The following CNGB1 variants were observed in gnomAD, a reference collection of about 807,000 sequenced individuals.
The protein encoded by CNGB1 is cyclic nucleotide gated channel subunit beta 1.
A neutral mutation model predicts 151.7 loss-of-function variants in CNGB1; 126 were observed. That is an observed-to-expected ratio of 0.83 (90% CI 0.72 to 0.96). The LOEUF (loss-of-function observed/expected upper bound fraction) is 0.96, where lower values mean the gene tolerates loss of function less well. CNGB1 is among the 40% of genes least tolerant of loss of function. CNGB1 has a pLI of 0.00. For synonymous variants in CNGB1, 623 were observed against 635.1 expected, an observed-to-expected ratio of 0.98 and a Z score of 0.29; for missense variants, 1,698 against 1,627.0, an observed-to-expected ratio of 1.04 and a Z score of -0.75.
chr16:57,928,042 A>G (rs1961241339), intron 17 of CNGB1, among the ~76,000 whole-genome samples: 1 of 152,194 alleles, frequency 6.6e-6, no homozygotes, highest in Non-Finnish European at 1.5e-5. Flanking sequence ...CATGGATGAG[A>G]GCAAAAATTA....
chr16:57,912,800 T>TTG (rs751197537), intron 24 of CNGB1, 130 bp downstream of exon 24: 23 of 907,532 alleles, frequency 2.5e-5, no homozygotes, highest in South Asian at 2.8e-5. Flanking sequence ...TGTGTGTATG[T>TTG]TGTGTGTGTG....
intron 16 of CNGB1, among the ~76,000 whole-genome samples, chr16:57,939,101 G>A (rs1961590175): frequency 6.6e-6 from 1 of 152,184 alleles, no homozygotes; most frequent in East Asian, 1.9e-4. Flanking sequence ...TGGCTGGGAG[G>A]GGCTGGTTAG....
chr16:57,919,310 G>A, intron 19 of CNGB1, 56 bp from the exon 20 acceptor site: 1 of 1,613,056 alleles, frequency 6.2e-7, no homozygotes, highest in South Asian at 1.1e-5. Flanking sequence ...GGTAGAGGAT[G>A]CAGAGAGAAG....
chr16:57,966,317 C>T (rs1001964746), intron 2 of CNGB1, among the ~76,000 whole-genome samples: 1 of 152,190 alleles, frequency 6.6e-6, no homozygotes, highest in Non-Finnish European at 1.5e-5. Flanking sequence ...CGGGGCAATG[C>T]CTATTCATCT....
At chr16:57,889,479 A>G (rs1960027462) in intron 31 of CNGB1, among the ~76,000 whole-genome samples, 1 of 152,184 alleles carries the variant, frequency 6.6e-6, no homozygotes, top group African/African-American at 2.4e-5. Context: ...TCCTTCCCCC[A>G]TCCAGACTTG....
rs539060830 is a variant in CNGB1, at chr16:57,965,873, A to G, written c.159+1255T>C. 8.5e-5 allele frequency among the ~76,000 whole-genome samples: 13 copies of G among 152,352 alleles called. No individual in the cohort carries two copies. In the South Asian group the frequency reaches 2.5e-3, roughly 29 times the overall value. Reference sequence around the variant, plus strand: ...TACATGTTCACATACATTGTCATGTATACCCATTGTGCAAATACATGTGTG... The same window carrying G: ...TACATGTTCACATACATTGTCATGTGTACCCATTGTGCAAATACATGTGTG... On this transcript the variant is annotated intron_variant, in intron 2 of 32. Coordinates refer to ENST00000251102, the MANE Select transcript of CNGB1 (RefSeq NM_001297.5).
rs895862176 is a variant in CNGB1, at chr16:57,911,076, A to G, written c.2492+677T>C. ...ACCTCCATGGTAGCAGTGCCTGGGG[A>G]GCTGTGCTGGGGAGTATTCTCTGGC... is the stretch of plus-strand genomic sequence containing the variant. On this transcript the variant is annotated intron_variant, in intron 25 of 32. Transcript: ENST00000251102. 5.3e-5 allele frequency among the ~76,000 whole-genome samples: 8 copies of G among 152,060 alleles called. No individual in the cohort carries two copies. In the South Asian group the frequency reaches 1.7e-3, roughly 32 times the overall value.
At chr16:57,922,427 C>CTTT (rs202188548) in intron 18 of CNGB1, among the ~76,000 whole-genome samples, 3,370 of 141,666 alleles carry the variant, frequency 0.024, 223 homozygotes, top group African/African-American at 0.092. Flanking sequence ...TTCTTTCTTT[C>CTTT]TTTCTTTTTT....
At chr16:57,920,656 G>A in intron 18 of CNGB1, 112 bp from the exon 19 acceptor site, 2 of 1,324,540 alleles carry the variant, frequency 1.5e-6, no homozygotes, top group Non-Finnish European at 2.1e-6. Context: ...CCTGAAGGAG[G>A]TAAGTCCTGC....
chr16:57,944,908 C>T (rs1961763949), intron 14 of CNGB1, among the ~76,000 whole-genome samples: 1 of 133,948 alleles, frequency 7.5e-6, no homozygotes, highest in East Asian at 2.4e-4. Context: ...GAGCCAGTAT[C>T]ATGCCACTCC....
chr16:57,964,136 A>G lies in CNGB1; in HGVS notation c.284T>C (p.Met95Thr), dbSNP rs745351142. The G allele has an allele frequency of 3.7e-6, 6 of 1,613,972 alleles. No homozygotes were observed. In the East Asian group the frequency reaches 1.1e-4, roughly 30 times the overall value. Reference sequence around the variant, plus strand: ...GGGGAGGGTGGTGCAGTACCTATTCATTTCAGAAATCTCAGCGCCCTGGGC... The same window carrying G: ...GGGGAGGGTGGTGCAGTACCTATTCGTTTCAGAAATCTCAGCGCCCTGGGC... ...LRAQGAEISE[M>T]NSPSRRVLTW... The change falls in exon 4 of 33, where the codon ATG becomes ACG. Residue 95 changes from methionine to threonine, a missense_variant. By Grantham distance (81) the Met-to-Thr change is moderately conservative. Transcript: ENST00000251102.
chr16:57,962,462 G>T, intron 7 of CNGB1, 103 bp downstream of exon 7: 1 of 1,027,096 alleles, frequency 9.7e-7, no homozygotes, highest in South Asian at 1.3e-5. Context: ...GCATGTCCAA[G>T]GTCACACCCT....
chr16:57,912,028 C>A (rs1014305783), intron 24 of CNGB1, 153 bp from the exon 25 acceptor site: 5 of 960,618 alleles, frequency 5.2e-6, no homozygotes, highest in Non-Finnish European at 6.2e-6. Context: ...TTGAATGGGG[C>A]GTTGTCATGA....
chr16:57,969,261 G>A (rs1486303817), intron 1 of CNGB1, among the ~76,000 whole-genome samples: 3 of 152,144 alleles, frequency 2.0e-5, no homozygotes, highest in African/African-American at 4.8e-5. Context: ...AGCCGAGATC[G>A]TGCCACTGCA....
chr16:57,884,452 C>G lies in CNGB1; in HGVS notation c.3468G>C (p.Lys1156Asn). The change falls in exon 33 of 33, where the codon AAG becomes AAC. Residue 1156 changes from lysine (K) to asparagine (N), a missense_variant. Lys to Asn is a moderately conservative substitution (Grantham distance 94, BLOSUM62 0). Transcript: ENST00000251102. ...AKQQELVEQAKSSQDVKGEEG... is the reference protein window; with the variant it reads ...AKQQELVEQANSSQDVKGEEG... ...CCTCTCCCTTGACGTCTTGCGAGCT[C>G]TTGGCCTGGAATCCAGAAAGGGTGA... 6.2e-7 allele frequency: 1 copy of G among 1,613,580 alleles called. No individual in the cohort carries two copies. The highest frequency in any genetic ancestry group is 2.2e-5 in the East Asian group (1 of 44,820).
chr16:57,941,021 G>T (rs1157693347), intron 14 of CNGB1, among the ~76,000 whole-genome samples: 2 of 152,102 alleles, frequency 1.3e-5, no homozygotes, highest in Admixed American at 6.5e-5. Flanking sequence ...TGGAAAAGGG[G>T]GCCCAGGTGG....
chr16:57,917,962 A>G (rs1444648140), intron 20 of CNGB1, among the ~76,000 whole-genome samples: 1 of 151,952 alleles, frequency 6.6e-6, no homozygotes, highest in Non-Finnish European at 1.5e-5. Flanking sequence ...CCCAAAATGT[A>G]TTTTCTTCCT....
intron 32 of CNGB1, among the ~76,000 whole-genome samples, chr16:57,885,478 C>T (rs985457091): frequency 2.0e-5 from 3 of 150,602 alleles, no homozygotes; most frequent in African/African-American, 7.3e-5. Flanking sequence ...ACACTCTATT[C>T]TTTTTGTCTT....
intron 16 of CNGB1, among the ~76,000 whole-genome samples, chr16:57,935,301 T>C (rs1961478181): frequency 6.6e-6 from 1 of 152,196 alleles, no homozygotes; most frequent in African/African-American, 2.4e-5. Context: ...GTTTTCCATT[T>C]GAATAGTAAT....
Sources: allele counts gnomAD v4.1 joint callset (sites outside exome capture counted in the v4.1 genomes callset), GRCh38; gene constraint gnomAD v4.1.1; transcripts MANE v1.5; gene names NCBI Gene and HGNC (gene_info 2026-07-23, HGNC 2026-07-21).